IMMP2L: variants seen among roughly 807,000 people sequenced by gnomAD.
IMMP2L encodes inner mitochondrial membrane peptidase subunit 2, also known as mitochondrial inner membrane protease subunit 2.
IMMP2L carries 18 observed loss-of-function variants against 19.3 expected under a neutral mutation model. That is an observed-to-expected ratio of 0.93 (90% CI 0.64 to 1.38). The LOEUF (loss-of-function observed/expected upper bound fraction) is 1.38. IMMP2L is among the 40% of genes most tolerant of loss of function. The probability of loss-of-function intolerance (pLI) is 0.00; values close to 1 mark genes in which losing one functional copy is unlikely to be tolerated. For missense variants in IMMP2L, 233 were observed against 218.2 expected (o/e 1.07, Z -0.43); for synonymous variants, 76 against 73.0 (o/e 1.04, Z -0.21).
chr7:111,185,342 T>C (rs1441333688), intron 3 of IMMP2L, among the ~76,000 whole-genome samples: 1 of 152,166 alleles, frequency 6.6e-6, no homozygotes, highest in Non-Finnish European at 1.5e-5. Context: ...ACACCATTAA[T>C]ACATAAAAGC....
At chr7:111,140,308 TAAC>T (rs1260657789) in intron 3 of IMMP2L, among the ~76,000 whole-genome samples, 5 of 152,032 alleles carry the variant, frequency 3.3e-5, no homozygotes, top group Non-Finnish European at 5.9e-5. Flanking sequence ...AAAACAACAA[TAAC>T]AACAAAAAAC....
chr7:110,914,812 C>A (rs559860809), intron 4 of IMMP2L, among the ~76,000 whole-genome samples: 7 of 152,172 alleles, frequency 4.6e-5, no homozygotes, highest in South Asian at 4.2e-4. Context: ...TACATATATT[C>A]CATGAACTTT....
At chr7:111,392,713 T>C in intron 3 of IMMP2L, 1 of 455,758 alleles carries the variant, frequency 2.2e-6, no homozygotes, top group Non-Finnish European at 4.4e-6. Context: ...AACTTGGCTA[T>C]AAAGTCTGAG....
intron 3 of IMMP2L, among the ~76,000 whole-genome samples, chr7:111,267,213 T>C (rs764163449): frequency 6.6e-6 from 1 of 152,024 alleles, no homozygotes; most frequent in Non-Finnish European, 1.5e-5. Context: ...TTAATACAAA[T>C]GCATCATCAG....
intron 5 of IMMP2L, among the ~76,000 whole-genome samples, chr7:110,851,652 A>G (rs1585029605): frequency 6.6e-6 from 1 of 152,112 alleles, no homozygotes; most frequent in African/African-American, 2.4e-5. Flanking sequence ...AAATGAGGCA[A>G]GAAAGCCACT....
intron 2 of IMMP2L, among the ~76,000 whole-genome samples, chr7:111,499,899 T>A (rs1254676507): frequency 6.6e-6 from 1 of 152,074 alleles, no homozygotes; most frequent in Non-Finnish European, 1.5e-5. Context: ...ACGGGTGATT[T>A]CTGCATTTCC....
At chr7:110,687,962 G>A in intron 5 of IMMP2L, among the ~76,000 whole-genome samples, 1 of 150,912 alleles carries the variant, frequency 6.6e-6, no homozygotes, top group Non-Finnish European at 1.5e-5. Context: ...TTTGGCTCTT[G>A]GAAAAGAGCC....
intron 3 of IMMP2L, among the ~76,000 whole-genome samples, chr7:110,970,341 A>C (rs1444268779): frequency 1.3e-5 from 2 of 152,136 alleles, no homozygotes; most frequent in Non-Finnish European, 2.9e-5. Context: ...ATATAATTAC[A>C]ATTTACCTCA....
intron 4 of IMMP2L, among the ~76,000 whole-genome samples, chr7:110,947,429 T>G (rs1817374608): frequency 6.6e-6 from 1 of 152,308 alleles, no homozygotes; most frequent in Non-Finnish European, 1.5e-5. Flanking sequence ...ATGATAGCTG[T>G]ATTAGATTTA....
At chr7:110,930,768 T>C (rs1490187655) in intron 4 of IMMP2L, among the ~76,000 whole-genome samples, 1 of 152,202 alleles carries the variant, frequency 6.6e-6, no homozygotes, top group Non-Finnish European at 1.5e-5. Flanking sequence ...CTTAGCCCTG[T>C]GGTTTCCACA....
intron 3 of IMMP2L, among the ~76,000 whole-genome samples, chr7:111,027,104 A>T (rs1017901248): frequency 6.6e-6 from 1 of 152,096 alleles, no homozygotes; most frequent in Admixed American, 6.6e-5. Context: ...CCACAGATTA[A>T]CCACTCTGTT....
intron 3 of IMMP2L, among the ~76,000 whole-genome samples, chr7:111,321,025 T>C (rs953134478): frequency 1.3e-5 from 2 of 152,034 alleles, no homozygotes; most frequent in Non-Finnish European, 1.5e-5. Context: ...CATGTTTTCT[T>C]CAAGAAAATA....
intron 5 of IMMP2L, among the ~76,000 whole-genome samples, chr7:110,802,250 C>T (rs1187865989): frequency 6.6e-6 from 1 of 151,362 alleles, no homozygotes; most frequent in Non-Finnish European, 1.5e-5. Context: ...AATTAGAGGT[C>T]CTGAGGTTAA....
At chr7:110,820,596 A>G (rs1295539925) in intron 5 of IMMP2L, among the ~76,000 whole-genome samples, 8 of 151,936 alleles carry the variant, frequency 5.3e-5, no homozygotes, top group Non-Finnish European at 1.2e-4. Context: ...CCACTCACCC[A>G]TAACAGTTCA....
intron 3 of IMMP2L, chr7:111,411,409 C>G: frequency 2.0e-6 from 1 of 491,624 alleles, no homozygotes; most frequent in Admixed American, 2.1e-5. Context: ...TGAAAGTGAC[C>G]ATCAAGATGG....
At chr7:110,815,548 C>T (rs369577609) in intron 5 of IMMP2L, among the ~76,000 whole-genome samples, 102 of 152,200 alleles carry the variant, frequency 6.7e-4, no homozygotes, top group African/African-American at 2.0e-3. Context: ...ATGGTACCAG[C>T]TCCTCCTTGT....
chr7:110,676,649 T>C (rs1792318642), intron 5 of IMMP2L, among the ~76,000 whole-genome samples: 1 of 152,212 alleles, frequency 6.6e-6, no homozygotes, highest in Non-Finnish European at 1.5e-5. Context: ...AATGGAAACA[T>C]CTACAGTTCT....
chr7:110,883,918 A>C (rs1024791044), intron 5 of IMMP2L, among the ~76,000 whole-genome samples: 1 of 152,074 alleles, frequency 6.6e-6, no homozygotes, highest in Non-Finnish European at 1.5e-5. Flanking sequence ...CCATAGAAAG[A>C]ATCACATTTG....
intron 2 of IMMP2L, among the ~76,000 whole-genome samples, chr7:111,493,485 G>A (rs913075979): frequency 6.6e-6 from 1 of 151,906 alleles, no homozygotes; most frequent in African/African-American, 2.4e-5. Flanking sequence ...GGTGGATCAC[G>A]AGGTCAGGAG....
Sources: allele counts gnomAD v4.1 joint callset (sites outside exome capture counted in the v4.1 genomes callset), GRCh38; gene constraint gnomAD v4.1.1; transcripts MANE v1.5; gene names NCBI Gene and HGNC (gene_info 2026-07-23, HGNC 2026-07-21).